Variants in NPAS3 observed in about 807,000 individuals in gnomAD.
NPAS3 encodes the protein neuronal PAS domain-containing protein 3.
Under a neutral mutation model 73.1 loss-of-function variants are expected in NPAS3, and 14 were observed. The ratio of observed to expected loss-of-function variants is 0.19; its 90% CI spans 0.13 to 0.30. The LOEUF is 0.30. Among genes scored for constraint, NPAS3 ranks in the 10% least tolerant of loss-of-function variants. The pLI is 1.00. For missense variants in NPAS3, 1,096 were observed against 1,250.0 expected (o/e 0.88, Z 1.86); for synonymous variants, 620 against 541.5 (o/e 1.14, Z -2.01).
chr14:33,663,600 G>T (rs1194452577), intron 5 of NPAS3, among the ~76,000 whole-genome samples: 1 of 152,096 alleles, frequency 6.6e-6, no homozygotes, highest in East Asian at 1.9e-4. Flanking sequence ...CTATTGTTTG[G>T]AACAGTTTCA....
chr14:33,074,048 G>C (rs2041574885), intron 2 of NPAS3, among the ~76,000 whole-genome samples: 1 of 152,164 alleles, frequency 6.6e-6, no homozygotes, highest in South Asian at 2.1e-4. Context: ...CCAGTATGCT[G>C]GCTGTGGTTT....
At chr14:32,950,777 T>C (rs1169934607) in intron 1 of NPAS3, among the ~76,000 whole-genome samples, 1 of 152,116 alleles carries the variant, frequency 6.6e-6, no homozygotes, top group Non-Finnish European at 1.5e-5. Flanking sequence ...CACCATCCTC[T>C]AGCTAATGTG....
intron 5 of NPAS3, among the ~76,000 whole-genome samples, chr14:33,575,254 C>G (rs978494991): frequency 1.3e-5 from 2 of 152,236 alleles, no homozygotes; most frequent in South Asian, 4.1e-4. Context: ...AACTGATGAT[C>G]GAGTCCAGTA....
Position 33,438,178 on chromosome 14 carries a change from A to C in NPAS3, c.468+70910A>C, listed in dbSNP as rs569292431. 2.0e-5 allele frequency among the ~76,000 whole-genome samples: 3 copies of C among 152,326 alleles called. No individual in the cohort carries two copies. The South Asian group carries it at 6.2e-4, about 32-fold the overall frequency. The stretch of plus-strand genomic sequence containing the variant: ...TCTTGATGCTTACTGAGCATAAAAA[A>C]CATAAATGATAATGTGATTTCATGT... On this transcript the variant is annotated intron_variant, in intron 4 of 11. Transcript: ENST00000356141.
exon 3 of NPAS3, chr14:33,215,265 C>T (rs201540878): frequency 6.3e-7 from 1 of 1,589,182 alleles, no homozygotes; most frequent in African/African-American, 1.3e-5. Context: ...TATGAATTGG[C>T]CAAGTTGTTG....
At chr14:33,134,835 C>T (rs544665699) in intron 2 of NPAS3, among the ~76,000 whole-genome samples, 1 of 149,230 alleles carries the variant, frequency 6.7e-6, no homozygotes, top group African/African-American at 2.5e-5. Context: ...TTGAAACTTT[C>T]TCCTAGTGAA....
chr14:33,211,985 ATCTAT>A (rs1465285444), intron 2 of NPAS3, among the ~76,000 whole-genome samples: 2 of 152,164 alleles, frequency 1.3e-5, no homozygotes, highest in African/African-American at 2.4e-5. Context: ...TGTACAACTA[ATCTAT>A]TCTATCTTTA....
chr14:33,543,296 G>A (rs992594797), intron 4 of NPAS3, among the ~76,000 whole-genome samples: 8 of 152,256 alleles, frequency 5.3e-5, no homozygotes, highest in Admixed American at 3.9e-4. Context: ...TCCAGAATCA[G>A]TATAAACCCA....
intron 5 of NPAS3, among the ~76,000 whole-genome samples, chr14:33,629,963 C>T (rs780661852): frequency 6.6e-6 from 1 of 152,158 alleles, no homozygotes; most frequent in Non-Finnish European, 1.5e-5. Context: ...CAGCATTCTT[C>T]TTTAGAATTC....
chr14:33,282,053 G>T (rs2041646045), intron 3 of NPAS3, among the ~76,000 whole-genome samples: 1 of 152,132 alleles, frequency 6.6e-6, no homozygotes, highest in East Asian at 1.9e-4. Flanking sequence ...TGCCACAAAA[G>T]AATGGCCAAG....
At chr14:33,029,233 T>G (rs2039909785) in intron 1 of NPAS3, among the ~76,000 whole-genome samples, 1 of 152,154 alleles carries the variant, frequency 6.6e-6, no homozygotes, top group Admixed American at 6.5e-5. Context: ...GACGGACGCT[T>G]TCTCCTCTAT....
At chr14:33,302,638 T>C (rs207474637) in intron 3 of NPAS3, among the ~76,000 whole-genome samples, 1 of 152,210 alleles carries the variant, frequency 6.6e-6, no homozygotes, top group Non-Finnish European at 1.5e-5. Flanking sequence ...AAGACCAAAG[T>C]ACCCAAAAGA....
At chr14:33,387,072 A>G (rs957079213) in intron 4 of NPAS3, among the ~76,000 whole-genome samples, 4 of 152,160 alleles carry the variant, frequency 2.6e-5, no homozygotes, top group African/African-American at 9.7e-5. Context: ...AGGAACCCAC[A>G]TGGGACCAGG....
At chr14:33,372,012 C>CA (rs1566841891) in intron 4 of NPAS3, among the ~76,000 whole-genome samples, 2 of 151,608 alleles carry the variant, frequency 1.3e-5, no homozygotes, top group African/African-American at 2.4e-5. Context: ...CATAGCACTG[C>CA]AAAAAAATGA....
At chr14:33,408,089 A>G (rs1374400490) in intron 4 of NPAS3, among the ~76,000 whole-genome samples, 3 of 152,180 alleles carry the variant, frequency 2.0e-5, no homozygotes, top group African/African-American at 7.2e-5. Flanking sequence ...TTGGAAGTAC[A>G]ATTCTTAGCA....
chr14:33,795,594 C>T (rs1405703586), intron 10 of NPAS3, among the ~76,000 whole-genome samples: 5 of 152,160 alleles, frequency 3.3e-5, no homozygotes, highest in Non-Finnish European at 5.9e-5. Flanking sequence ...CACCCTAGGG[C>T]TAGCAGTGTC....
At chr14:33,196,972 C>A (rs1471820904) in intron 2 of NPAS3, among the ~76,000 whole-genome samples, 2 of 152,190 alleles carry the variant, frequency 1.3e-5, no homozygotes, top group African/African-American at 4.8e-5. Context: ...GGTCCAAATA[C>A]AGGTATTGAT....
rs1004328290 is a variant in NPAS3 at position 33,796,452 on chromosome 14, C to T, written c.1302-1005C>T. Among the ~76,000 whole-genome samples the T allele has an allele frequency of 3.9e-5, 6 of 152,328 alleles. No individual in the cohort carries two copies. In the East Asian group the frequency reaches 5.8e-4, roughly 15 times the overall value. The stretch of plus-strand genomic sequence containing the variant: ...ATCCATTTTAGTGAATTACCCCTCC[C>T]AGGAACATTTGCAGTTTTAGAGTAG... On this transcript the variant is annotated intron_variant, in intron 10 of 11. Coordinates refer to ENST00000356141, the Ensembl canonical transcript of NPAS3.
intron 2 of NPAS3, among the ~76,000 whole-genome samples, chr14:33,197,221 G>C (rs905991192): frequency 1.4e-5 from 2 of 138,418 alleles, no homozygotes; most frequent in African/African-American, 5.3e-5. Context: ...TCTGCTCTGG[G>C]ATGCACTCCA....
Sources: gnomAD v4.1 joint callset for allele counts (sites outside exome capture counted in the v4.1 genomes callset) on GRCh38, gnomAD v4.1.1 for gene constraint, MANE v1.5 for transcripts, NCBI Gene and HGNC (gene_info 2026-07-23, HGNC 2026-07-21) for gene names.